The following LRMDA variants were observed in gnomAD, a reference collection of about 807,000 sequenced individuals.
LRMDA encodes leucine-rich melanocyte differentiation-associated protein.
A neutral mutation model predicts 29.8 loss-of-function variants in LRMDA; 18 were observed. That is an observed-to-expected ratio of 0.60 (90% CI 0.42 to 0.90). The LOEUF is 0.90. Among genes scored for constraint, LRMDA ranks in the 40% least tolerant of loss-of-function variants. The pLI, the probability that LRMDA is intolerant of heterozygous loss-of-function variation, is 0.00. For synonymous variants in LRMDA, 125 were observed against 109.4 expected, an observed-to-expected ratio of 1.14 and a Z score of -0.89; for missense variants, 273 against 273.9, an observed-to-expected ratio of 1.00 and a Z score of 0.02.
At chr10:75,662,065 T>C (rs1026807843) in intron 2 of LRMDA, among the ~76,000 whole-genome samples, 1 of 151,972 alleles carries the variant, frequency 6.6e-6, no homozygotes, top group Non-Finnish European at 1.5e-5. Flanking sequence ...ACCTTTTCTT[T>C]TGGCCAAATT....
chr10:75,606,497 C>T (rs1338487350), intron 2 of LRMDA, among the ~76,000 whole-genome samples: 6 of 152,138 alleles, frequency 3.9e-5, no homozygotes, highest in South Asian at 4.1e-4. Context: ...GAGTCCATTC[C>T]GGGCTACATG....
chr10:76,120,189 ATTT>A (rs35999168), intron 5 of LRMDA, among the ~76,000 whole-genome samples: 5 of 133,150 alleles, frequency 3.8e-5, no homozygotes, highest in Admixed American at 7.5e-5. Context: ...GTATGTGTTG[ATTT>A]TTTTTTTTTT....
chr10:76,103,079 A>G (rs892131643), intron 5 of LRMDA, among the ~76,000 whole-genome samples: 3 of 152,128 alleles, frequency 2.0e-5, no homozygotes, highest in Non-Finnish European at 4.4e-5. Context: ...AATTTTTGTC[A>G]TATTGCTCTT....
chr10:76,259,530 G>A (rs186293645), intron 5 of LRMDA, among the ~76,000 whole-genome samples: 47 of 152,170 alleles, frequency 3.1e-4, no homozygotes, highest in Non-Finnish European at 5.7e-4. Flanking sequence ...ATAATAATGT[G>A]TATTCTGTAG....
At chr10:75,782,828 G>A (rs1298235623) in intron 2 of LRMDA, 4 of 1,470,662 alleles carry the variant, frequency 2.7e-6, no homozygotes, top group East Asian at 2.5e-5. Context: ...AGCCAGCGCC[G>A]GCGTGCATGT....
chr10:75,974,599 A>C (rs1044036900), intron 2 of LRMDA, among the ~76,000 whole-genome samples: 1 of 152,186 alleles, frequency 6.6e-6, no homozygotes, highest in Non-Finnish European at 1.5e-5. Flanking sequence ...GAACTCATTC[A>C]ATCCTCCCAG....
chr10:75,954,147 T>A (rs1846625074), intron 2 of LRMDA, among the ~76,000 whole-genome samples: 1 of 152,210 alleles, frequency 6.6e-6, no homozygotes, highest in African/African-American at 2.4e-5. Context: ...AACTGAATTC[T>A]GCCTGCCACC....
At chr10:76,362,681 T>C (rs1464970645) in intron 6 of LRMDA, among the ~76,000 whole-genome samples, 2 of 152,208 alleles carry the variant, frequency 1.3e-5, no homozygotes, top group Non-Finnish European at 2.9e-5. Context: ...GGTTAATTTT[T>C]CAACCCTTAC....
intron 5 of LRMDA, among the ~76,000 whole-genome samples, chr10:76,288,640 G>A (rs576882403): frequency 6.6e-6 from 1 of 152,298 alleles, no homozygotes; most frequent in African/African-American, 2.4e-5. Context: ...CAGTCTAAAA[G>A]CATGGCTTCC....
intron 2 of LRMDA, among the ~76,000 whole-genome samples, chr10:75,747,183 T>C (rs2132215319): frequency 6.6e-6 from 1 of 152,332 alleles, no homozygotes; most frequent in East Asian, 1.9e-4. Context: ...TATTATGTAA[T>C]TTAATTTTTC....
intron 5 of LRMDA, among the ~76,000 whole-genome samples, chr10:76,094,306 T>C (rs757827164): frequency 6.6e-6 from 1 of 152,216 alleles, no homozygotes; most frequent in Non-Finnish European, 1.5e-5. Context: ...ATAAAGCTTA[T>C]ATTTAGAAAT....
intron 5 of LRMDA, among the ~76,000 whole-genome samples, chr10:76,131,947 G>T (rs1235147632): frequency 6.6e-6 from 1 of 152,136 alleles, no homozygotes; most frequent in Non-Finnish European, 1.5e-5. Context: ...AATATATATG[G>T]CTGATGATGG....
chr10:75,855,040 G>T (rs1323988343), intron 2 of LRMDA, among the ~76,000 whole-genome samples: 2 of 152,160 alleles, frequency 1.3e-5, no homozygotes, highest in African/African-American at 4.8e-5. Context: ...GTGTGCATGT[G>T]TCTTTATAGC....
intron 2 of LRMDA, among the ~76,000 whole-genome samples, chr10:75,990,180 G>A (rs868673074): frequency 1.1e-4 from 16 of 152,176 alleles, no homozygotes; most frequent in Admixed American, 3.3e-4. Context: ...TTATCAGAGC[G>A]TCTCACACAC....
At chr10:75,463,394 C>G (rs887472321) in intron 2 of LRMDA, among the ~76,000 whole-genome samples, 3 of 152,142 alleles carry the variant, frequency 2.0e-5, no homozygotes, top group Admixed American at 2.0e-4. Context: ...CAGTCCATTC[C>G]TCCCACAGAC....
chr10:75,751,122 C>T (rs1048367777), intron 2 of LRMDA, among the ~76,000 whole-genome samples: 11 of 152,194 alleles, frequency 7.2e-5, no homozygotes, highest in East Asian at 3.9e-4. Context: ...GAGACCAGTC[C>T]GGCCAACACG....
At chr10:76,301,089 A>C (rs887993015) in intron 5 of LRMDA, among the ~76,000 whole-genome samples, 25 of 152,160 alleles carry the variant, frequency 1.6e-4, no homozygotes, top group African/African-American at 6.0e-4. Flanking sequence ...GATGTTCAGG[A>C]GAGAAATAGC....
intron 2 of LRMDA, among the ~76,000 whole-genome samples, chr10:75,484,206 T>C (rs1422884358): frequency 6.6e-6 from 1 of 152,214 alleles, no homozygotes; most frequent in Admixed American, 6.5e-5. Context: ...TCTTCCCATC[T>C]TGGCCTCTCA....
chr10:75,570,768 G>A (rs1181398285), intron 2 of LRMDA, among the ~76,000 whole-genome samples: 1 of 152,088 alleles, frequency 6.6e-6, no homozygotes. Flanking sequence ...TGCCAGTCCT[G>A]GTACTACTGA....
Sources: allele counts gnomAD v4.1 joint callset (sites outside exome capture counted in the v4.1 genomes callset), GRCh38; gene constraint gnomAD v4.1.1; transcripts MANE v1.5; gene names NCBI Gene and HGNC (gene_info 2026-07-23, HGNC 2026-07-21).